The following CALB2 variants were observed in gnomAD, a reference collection of about 807,000 sequenced individuals.
CALB2 encodes calbindin 2, also known as calretinin.
A neutral mutation model predicts 45.9 loss-of-function variants in CALB2; 34 were observed. That is an observed-to-expected ratio of 0.74 (90% confidence interval 0.56 to 0.99). CALB2 has a LOEUF of 0.99. Ranked by LOEUF, CALB2 falls within the 50% of genes least tolerant of loss-of-function variation. The pLI is 0.00. For missense variants in CALB2, 344 were observed against 339.3 expected, an observed-to-expected ratio of 1.01 and a Z score of -0.11; for synonymous variants, 142 against 129.6, an observed-to-expected ratio of 1.10 and a Z score of -0.65.
In CALB2 at chr16:71,366,024, C is replaced by CTTTTTTTTTTTTTTT. The variant is rs1171021532; in HGVS notation, c.95-6123_95-6109dup. Among the ~76,000 whole-genome samples, 107 of 45,064 alleles carry CTTTTTTTTTTTTTTT rather than the reference C, an allele frequency of 2.4e-3. 10 individuals carry two copies. Among genetic ancestry groups the CTTTTTTTTTTTTTTT allele is most frequent in the African/African-American group, 8.8e-3 (92 of 10,428 alleles). The allele number at this position is 45,064 out of a possible 152,430, so 29.6% of individuals were successfully genotyped here. A position where few individuals can be genotyped will look rare whatever the true frequency, so the allele number is the denominator to read the frequency against. ...TCTTTGTTTTCTTCCCTCTCTCTCT[C>CTTTTTTTTTTTTTTT]TTTTTTTTTTTTTTTTTTTTGAGAT... On this transcript the variant is annotated intron_variant, in intron 1 of 10. Coordinates refer to ENST00000302628, the MANE Select transcript of CALB2 (RefSeq NM_001740.5).
rs754965367 is a variant in CALB2, at chr16:71,372,213, G to C, written c.155G>C (p.Arg52Thr). The C allele has an allele frequency of 6.2e-6, 10 of 1,612,808 alleles. No individual in the cohort carries two copies. Among genetic ancestry groups the C allele is most frequent in the Non-Finnish European group, 8.5e-6 (10 of 1,179,250 alleles). ...ENFFQELEKA[R>T]KGSGMMSKSD... Reference sequence around the variant, plus strand: ...TTTTTCCAAGAGCTGGAGAAGGCAAGGAAAGGCTCTGGCATGGTAAGCCCA... The same window carrying C: ...TTTTTCCAAGAGCTGGAGAAGGCAACGAAAGGCTCTGGCATGGTAAGCCCA... The change falls in exon 2 of 11, where the codon AGG (arginine) becomes ACG (threonine). Residue 52 changes from arginine (R) to threonine (T), a missense_variant. By Grantham distance (71) the Arg-to-Thr change is moderately conservative (BLOSUM62 -1). Around this residue, in one of 3 missense-constraint regions of CALB2, gnomAD observed 77 missense variants for 80.5 expected, o/e 0.96. Transcript: ENST00000302628.
intron 3 of CALB2, among the ~76,000 whole-genome samples, chr16:71,376,157 A>G (rs2042408531): frequency 6.6e-6 from 1 of 152,220 alleles, no homozygotes. Context: ...TTTGTGGGCC[A>G]TCCAGTCTCT....
At position 71,384,348 on chromosome 16, in the gene CALB2, T is replaced by G. The variant is rs1957828308; in HGVS notation, c.543T>G (p.Pro181=). Residue 181 remains proline (P), a synonymous_variant, in exon 8 of 11, where the codon CCT becomes CCG. Transcript: ENST00000302628. The part of the protein sequence containing the change: ...LGLSEMSRLL[P]VQENFLLKFQ... ...AACATTTTCTCCCCAGACTCCTGCC[T>G]GTCCAGGAAAACTTCCTGCTTAAAT... 1.2e-6 allele frequency: 2 copies of G among 1,613,222 alleles called. No individual in the cohort carries two copies. The highest frequency in any genetic ancestry group is 8.5e-7 in the Non-Finnish European group (1 of 1,179,664).
chr16:71,376,646 T>G (rs1471073289), intron 3 of CALB2, among the ~76,000 whole-genome samples: 4 of 149,096 alleles, frequency 2.7e-5, no homozygotes, highest in African/African-American at 1.0e-4. Context: ...CAACCACATG[T>G]GCCCACATAC....
At chr16:71,366,022 CTCTTTTTTT>C (rs1374077396) in intron 1 of CALB2, among the ~76,000 whole-genome samples, 2 of 50,542 alleles carry the variant, frequency 4.0e-5, no homozygotes, top group South Asian at 6.0e-4. Context: ...CCCTCTCTCT[CTCTTTTTTT>C]TTTTTTTTTT....
intron 4 of CALB2, among the ~76,000 whole-genome samples, chr16:71,381,037 G>A (rs4788800): frequency 0.54 from 81,624 of 151,998 alleles, 22,127 homozygotes; most frequent in Middle Eastern, 0.6. Flanking sequence ...AAGTGGACCC[G>A]CTGGCAAGAT....
intron 10 of CALB2, among the ~76,000 whole-genome samples, chr16:71,387,713 G>A (rs1030707252): frequency 2.8e-4 from 43 of 152,206 alleles, no homozygotes; most frequent in African/African-American, 9.7e-4. Context: ...CGCTGCCACA[G>A]TTCACTGCGG....
intron 4 of CALB2, among the ~76,000 whole-genome samples, chr16:71,381,323 A>G (rs1457955034): frequency 6.6e-6 from 1 of 152,080 alleles, no homozygotes; most frequent in Non-Finnish European, 1.5e-5. Flanking sequence ...TGCAGAGAAA[A>G]GACACTCTTG....
At chr16:71,359,102 A>G (rs1177956348) in intron 1 of CALB2, among the ~76,000 whole-genome samples, 1 of 152,146 alleles carries the variant, frequency 6.6e-6, no homozygotes, top group Non-Finnish European at 1.5e-5. Flanking sequence ...GATGACCCAG[A>G]GCCCACCCGC....
chr16:71,378,599 CT>C (rs2042445166), intron 4 of CALB2, among the ~76,000 whole-genome samples: 1 of 152,108 alleles, frequency 6.6e-6, no homozygotes, highest in Admixed American at 6.5e-5. Context: ...GACTCAGAAG[CT>C]CCATTTTAAC....
intron 1 of CALB2, among the ~76,000 whole-genome samples, chr16:71,363,251 C>G (rs2042252007): frequency 6.6e-6 from 1 of 152,170 alleles, no homozygotes; most frequent in African/African-American, 2.4e-5. Flanking sequence ...ACCTTTTCTT[C>G]CCTTGTAAGA....
At chr16:71,372,941 A>G (rs1232370265) in intron 2 of CALB2, among the ~76,000 whole-genome samples, 1 of 152,136 alleles carries the variant, frequency 6.6e-6, no homozygotes, top group Non-Finnish European at 1.5e-5. Context: ...GGCTGGCCTC[A>G]TTTGTGGTGG....
In CALB2 at chr16:71,358,740, C is replaced by CCAGCCGGCGCG; in HGVS notation, c.-52_-42dup. ...ACAACCCCAGCGCGAGTGCCAGAGC[C>CCAGCCGGCGCG]CAGCCGGCGCGGAGCGGGAGCGGTG... On this transcript the variant is annotated 5_prime_UTR_variant, in exon 1 of 11. Coordinates refer to ENST00000302628, the MANE Select transcript of CALB2 (RefSeq NM_001740.5). The CCAGCCGGCGCG allele has an allele frequency of 1.4e-6, 2 of 1,437,134 alleles. No homozygotes were observed. Among genetic ancestry groups the CCAGCCGGCGCG allele is most frequent in the Non-Finnish European group, 1.9e-6 (2 of 1,043,000 alleles). 89.0% of individuals were successfully genotyped at this position (1,437,134 alleles called of 1,614,324 possible).
chr16:71,362,887 A>G lies in CALB2; in HGVS notation c.94+4001A>G, dbSNP rs570880421. Among the ~76,000 whole-genome samples the G allele has an allele frequency of 3.9e-5, 6 of 152,342 alleles. No homozygotes were observed. The South Asian group carries it at 8.3e-4, about 21-fold the overall frequency. On this transcript the variant is annotated intron_variant, in intron 1 of 10. Transcript: ENST00000302628. Reference sequence around the variant, plus strand: ...GTGTAGTCAGCAAAACAATAAAGATATAAGAAGGGAGGCCAGGCACAGTGG... The same window carrying G: ...GTGTAGTCAGCAAAACAATAAAGATGTAAGAAGGGAGGCCAGGCACAGTGG...
In CALB2 at chr16:71,383,969, G is replaced by A; in HGVS notation, c.478-1G>A. 2 of 1,613,900 alleles carry A rather than the reference G, an allele frequency of 1.2e-6. No homozygotes were observed. The highest frequency in any genetic ancestry group is 1.7e-6 in the Non-Finnish European group (2 of 1,179,858). On this transcript the variant is annotated splice_acceptor_variant, in intron 6 of 10. Coordinates refer to ENST00000302628, the MANE Select transcript of CALB2 (RefSeq NM_001740.5). LOFTEE classifies it high-confidence loss of function. ...CCCAGGCACCTTTCTGTCCCCAACA[G>A]CTACGGATGTTTGACTTGAACGGGG...
intron 1 of CALB2, among the ~76,000 whole-genome samples, chr16:71,363,053 G>A (rs1014123242): frequency 1.1e-4 from 16 of 151,566 alleles, no homozygotes; most frequent in African/African-American, 2.4e-4. Flanking sequence ...GTGTGGTGGC[G>A]CACGCCTGTA....
At chr16:71,359,940 G>A (rs538662097) in intron 1 of CALB2, among the ~76,000 whole-genome samples, 8 of 152,374 alleles carry the variant, frequency 5.3e-5, no homozygotes, top group African/African-American at 1.7e-4. Context: ...CCAAAGGGAG[G>A]CCAACGGGAA....
chr16:71,370,875 G>C (rs1200501694), intron 1 of CALB2, among the ~76,000 whole-genome samples: 3 of 152,110 alleles, frequency 2.0e-5, no homozygotes, highest in African/African-American at 4.8e-5. Context: ...ATTCAGCTCA[G>C]TCCTGGTCTC....
chr16:71,359,028 C>T (rs2042212542), intron 1 of CALB2, 142 bp downstream of exon 1: 1 of 702,110 alleles, frequency 1.4e-6, no homozygotes, highest in Non-Finnish European at 2.5e-6. Context: ...GGGTAGTGGT[C>T]CCGGGTTTGG....
Sources: gnomAD v4.1 joint callset for allele counts (sites outside exome capture counted in the v4.1 genomes callset) on GRCh38, gnomAD v4.1.1 for gene constraint, gnomAD v4.1.1 regional missense constraint, MANE v1.5 for transcripts, NCBI Gene and HGNC (gene_info 2026-07-23, HGNC 2026-07-21) for gene names.